Variants in PCDHB13 observed in about 807,000 individuals in gnomAD.
The protein encoded by PCDHB13 is protocadherin beta 13.
For synonymous variants in PCDHB13, 515 were observed against 450.7 expected (o/e 1.14, Z -1.81); for missense variants, 1,065 against 1,016.7 (o/e 1.05, Z -0.65).
In PCDHB13 at chr5:141,216,629, A is replaced by G. The variant is rs1336156686; in HGVS notation, c.*109A>G. On this transcript the variant is annotated 3_prime_UTR_variant, in exon 1 of 1. Coordinates refer to ENST00000341948, the MANE Select transcript of PCDHB13 (RefSeq NM_018933.4). ...GTAATATTGTACGGATTTACTCTTG[A>G]TTTTTCTCATGTTCTTTCTCCCTTT... 8.2e-6 allele frequency: 8 copies of G among 979,506 alleles called. No individual in the cohort carries two copies. Among genetic ancestry groups the G allele is most frequent in the Middle Eastern group, 2.1e-4 (1 of 4,856 alleles). The allele number at this position is 979,506 out of a possible 1,614,324, so 60.7% of individuals were successfully genotyped here.
chr5:141,214,279 C>G lies in PCDHB13; in HGVS notation c.156C>G (p.Asp52Glu), dbSNP rs1754521772. Residue 52 changes from aspartate to glutamate, a missense_variant, in exon 1 of 1, where the codon GAC (aspartate) becomes GAG (glutamate). By Grantham distance (45) the Asp-to-Glu change is conservative. Transcript: ENST00000341948. The part of the protein sequence containing the change: ...GSSFVTNLAK[D>E]LGLEQREFSR... ...CCTTTGTCACCAATTTAGCAAAGGA[C>G]CTGGGTCTGGAGCAGAGGGAATTCT... 6.5e-7 allele frequency: 1 copy of G among 1,547,888 alleles called. No individual in the cohort carries two copies. Among genetic ancestry groups the G allele is most frequent in the African/African-American group, 1.4e-5 (1 of 71,724 alleles).
At position 141,216,417 on chromosome 5, in the gene PCDHB13, A is replaced by T; in HGVS notation, c.2294A>T (p.Lys765Met). The change falls in exon 1 of 1, where the codon AAG becomes ATG. Residue 765 changes from lysine to methionine, a missense_variant. Lys to Met is a moderately conservative substitution (Grantham distance 95). Transcript: ENST00000341948. ...GGAGGCTCAGGGACCAATGAGTTCAAGTTCCTGAAGCCGATTATCCCCAAC... is the reference window on the plus strand; with the variant it reads ...GGAGGCTCAGGGACCAATGAGTTCATGTTCCTGAAGCCGATTATCCCCAAC... The part of the protein sequence containing the change: ...LAGGSGTNEF[K>M]FLKPIIPNFP... The T allele has an allele frequency of 1.9e-6, 3 of 1,614,160 alleles. No homozygotes were observed. The highest frequency in any genetic ancestry group is 2.5e-6 in the Non-Finnish European group (3 of 1,180,028).
Position 141,215,150 on chromosome 5 carries a change from G to A in PCDHB13, c.1027G>A (p.Asp343Asn). 1 of 1,614,134 alleles carries A rather than the reference G, an allele frequency of 6.2e-7. No individual in the cohort carries two copies. Among genetic ancestry groups the A allele is most frequent in the Non-Finnish European group, 8.5e-7 (1 of 1,180,040 alleles). ...TCTGATTCAAGTGATAGATGTGAAC[G>A]ACCATGCCCCAGAAGTTACCATGTC... Reference protein sequence around the residue: ...TVLIQVIDVNDHAPEVTMSAF... With the variant: ...TVLIQVIDVNNHAPEVTMSAF... The change falls in exon 1 of 1, where the codon GAC becomes AAC. Residue 343 changes from aspartate (D) to asparagine (N), a missense_variant. By Grantham distance (23) the Asp-to-Asn change is conservative. Coordinates refer to ENST00000341948, the MANE Select transcript of PCDHB13 (RefSeq NM_018933.4).
At position 141,215,514 on chromosome 5, in the gene PCDHB13, A is replaced by ACAGC. The variant is rs782041383; in HGVS notation, c.1393_1396dup (p.Pro466GlnfsTer251). On this transcript the variant is annotated frameshift_variant, in exon 1 of 1. Transcript: ENST00000341948. LOFTEE classifies it low-confidence loss of function (END_TRUNC). ...TACACCCTGTTCGTCCGCGAGAACA[A>ACAGC]CAGCCCCGCCCTGCACATCCGCAGC... 6.2e-7 allele frequency: 1 copy of ACAGC among 1,614,038 alleles called. No homozygotes were observed. Among genetic ancestry groups the ACAGC allele is most frequent in the South Asian group, 1.1e-5 (1 of 91,078 alleles).
Position 141,215,542 on chromosome 5 carries a change from C to T in PCDHB13, c.1419C>T (p.Val473=), listed in dbSNP as rs375613795. The T allele has an allele frequency of 4.5e-5, 72 of 1,613,692 alleles. 1 individual carries two copies. Among genetic ancestry groups the T allele is most frequent in the Non-Finnish European group, 5.7e-5 (67 of 1,179,950 alleles). The stretch of plus-strand genomic sequence containing the variant: ...GCCCCGCCCTGCACATCCGCAGCGT[C>T]AGCGCTACAGACAGAGACTCAGGCA... ...NNSPALHIRS[V]SATDRDSGTN... Residue 473 remains valine, a synonymous_variant, in exon 1 of 1, where the codon GTC becomes GTT. Transcript: ENST00000341948.
At position 141,216,001 on chromosome 5, in the gene PCDHB13, C is replaced by A; in HGVS notation, c.1878C>A (p.Thr626=). 1.2e-6 allele frequency: 2 copies of A among 1,606,956 alleles called. No individual in the cohort carries two copies. Among genetic ancestry groups the A allele is most frequent in the Non-Finnish European group, 1.7e-6 (2 of 1,179,558 alleles). Residue 626 remains threonine, a synonymous_variant, in exon 1 of 1, where the codon ACC becomes ACA. Transcript: ENST00000341948. ...GVWAHNGEVR[T]ARLLSERDAA... is the part of the protein sequence containing the mutation. ...GGGCGCACAATGGCGAGGTGCGCAC[C>A]GCCAGGCTGCTGAGCGAGCGCGACG... is the stretch of plus-strand genomic sequence containing the variant.
chr5:141,214,944 T>G lies in PCDHB13; in HGVS notation c.821T>G (p.Val274Gly), dbSNP rs1754551194. ...KVSATDVDTG[V>G]NGEISYSLFQ... ...TCTGCCACGGATGTAGACACAGGAG[T>G]CAACGGAGAGATTTCCTATTCACTT... The change falls in exon 1 of 1, where the codon GTC becomes GGC. Residue 274 changes from valine (V) to glycine (G), a missense_variant. By Grantham distance (109) the Val-to-Gly change is moderately radical. Transcript: ENST00000341948. 1.9e-6 allele frequency: 3 copies of G among 1,613,946 alleles called. No homozygotes were observed. The East Asian group carries it at 6.7e-5, about 36-fold the overall frequency.
At position 141,215,452 on chromosome 5, in the gene PCDHB13, T is replaced by C. The variant is rs782315640; in HGVS notation, c.1329T>C (p.Asp443=). The part of the protein sequence containing the change: ...TQLNMTVLIA[D]VNDNAPAFTQ... ...TCAATATGACCGTGCTGATCGCCGA[T>C]GTCAATGACAACGCTCCCGCCTTCA... The change falls in exon 1 of 1, where the codon GAT becomes GAC. Residue 443 remains aspartate, a synonymous_variant. Transcript: ENST00000341948. 4.3e-6 allele frequency: 7 copies of C among 1,614,036 alleles called. No individual in the cohort carries two copies. In the South Asian group the frequency reaches 5.5e-5, roughly 13 times the overall value.
rs781919526 is a variant in PCDHB13 at position 141,216,404 on chromosome 5, A to G, written c.2281A>G (p.Thr761Ala). The change falls in exon 1 of 1, where the codon ACC becomes GCC. Residue 761 changes from threonine to alanine, a missense_variant. Transcript: ENST00000341948. ...GGTGTGTCTGGCAGGAGGCTCAGGG[A>G]CCAATGAGTTCAAGTTCCTGAAGCC... Reference protein sequence around the residue: ...YEVCLAGGSGTNEFKFLKPII... With the variant: ...YEVCLAGGSGANEFKFLKPII... The G allele has an allele frequency of 2.5e-6, 4 of 1,613,930 alleles. No homozygotes were observed. The highest frequency in any genetic ancestry group is 3.4e-6 in the Non-Finnish European group (4 of 1,179,978).
At position 141,214,889 on chromosome 5, in the gene PCDHB13, A is replaced by G; in HGVS notation, c.766A>G (p.Ser256Gly). Residue 256 changes from serine to glycine, a missense_variant, in exon 1 of 1, where the codon AGT becomes GGT. Coordinates refer to ENST00000341948, the MANE Select transcript of PCDHB13 (RefSeq NM_018933.4). ...CTATAGAGTGCAGATCTCTGAGGAC[A>G]GTCCGGTAGGCTTCCTGGTTGTGAA... ...PFYRVQISED[S>G]PVGFLVVKVS... 5 of 1,614,026 alleles carry G rather than the reference A, an allele frequency of 3.1e-6. No homozygotes were observed. The highest frequency in any genetic ancestry group is 4.2e-6 in the Non-Finnish European group (5 of 1,179,972).
Position 141,215,412 on chromosome 5 carries a change from T to C in PCDHB13, c.1289T>C (p.Met430Thr), listed in dbSNP as rs1754570555. 4 of 1,614,064 alleles carry C rather than the reference T, an allele frequency of 2.5e-6. No individual in the cohort carries two copies. The highest frequency in any genetic ancestry group is 1.3e-5 in the African/African-American group (1 of 74,914). ...ACTGTCACTGACTTGGGGACCCCTA[T>C]GCTGATAACACAGCTCAATATGACC... is the stretch of plus-strand genomic sequence containing the variant. ...TITVTDLGTPMLITQLNMTVL... is the reference protein window; with the variant it reads ...TITVTDLGTPTLITQLNMTVL... Residue 430 changes from methionine to threonine, a missense_variant, in exon 1 of 1, where the codon ATG becomes ACG. Coordinates refer to ENST00000341948, the MANE Select transcript of PCDHB13 (RefSeq NM_018933.4).
chr5:141,217,839 G>A lies in PCDHB13; in HGVS notation c.*1319G>A, dbSNP rs188508748. The A allele has an allele frequency of 0.013, 2,219 of 167,158 alleles. 32 individuals are homozygous for A. Among genetic ancestry groups the A allele is most frequent in the Non-Finnish European group, 0.025 (1,730 of 68,128 alleles). 10.4% of individuals were successfully genotyped at this position (167,158 alleles called of 1,614,324 possible). A position where few individuals can be genotyped will look rare whatever the true frequency, so the allele number is the denominator to read the frequency against. ...AAAAGTATAGAGGCAAAACAAGCATGTGTATGAGAGAGAGAGAGAAAGCAT... is the reference window on the plus strand; with the variant it reads ...AAAAGTATAGAGGCAAAACAAGCATATGTATGAGAGAGAGAGAGAAAGCAT... On this transcript the variant is annotated 3_prime_UTR_variant, in exon 1 of 1. Transcript: ENST00000341948.
Position 141,215,246 on chromosome 5 carries a change from G to C in PCDHB13, c.1123G>C (p.Asp375His), listed in dbSNP as rs781994778. The change falls in exon 1 of 1, where the codon GAT becomes CAT. Residue 375 changes from aspartate (D) to histidine (H), a missense_variant. By Grantham distance (81) the Asp-to-His change is moderately conservative. Coordinates refer to ENST00000341948, the MANE Select transcript of PCDHB13 (RefSeq NM_018933.4). Reference protein sequence around the residue: ...VVALFSVSDLDSGENGKISCS... With the variant: ...VVALFSVSDLHSGENGKISCS... The stretch of plus-strand genomic sequence containing the variant: ...TGCACTTTTCAGTGTTTCAGATCTT[G>C]ATTCAGGAGAAAATGGGAAAATTAG... The C allele has an allele frequency of 6.2e-7, 1 of 1,614,122 alleles. No homozygotes were observed. The highest frequency in any genetic ancestry group is 2.2e-5 in the East Asian group (1 of 44,874).
In PCDHB13 at chr5:141,214,970, T is replaced by C. The variant is rs573666372; in HGVS notation, c.847T>C (p.Phe283Leu). ...GVNGEISYSL[F>L]QASEEIGKTF... Reference sequence around the variant, plus strand: ...CAACGGAGAGATTTCCTATTCACTTTTCCAAGCTTCAGAAGAGATTGGCAA... The same window carrying C: ...CAACGGAGAGATTTCCTATTCACTTCTCCAAGCTTCAGAAGAGATTGGCAA... Residue 283 changes from phenylalanine to leucine, a missense_variant, in exon 1 of 1, where the codon TTC becomes CTC. By Grantham distance (22) the Phe-to-Leu change is conservative (BLOSUM62 0). Transcript: ENST00000341948. 3 of 1,614,194 alleles carry C rather than the reference T, an allele frequency of 1.9e-6. No homozygotes were observed. Among genetic ancestry groups the C allele is most frequent in the East Asian group, 2.2e-5 (1 of 44,872 alleles).
rs202050299 is a variant in PCDHB13, at chr5:141,215,429, A to G, written c.1306A>G (p.Asn436Asp). ...LGTPMLITQL[N>D]MTVLIADVND... ...GACCCCTATGCTGATAACACAGCTCAATATGACCGTGCTGATCGCCGATGT... is the reference window on the plus strand; with the variant it reads ...GACCCCTATGCTGATAACACAGCTCGATATGACCGTGCTGATCGCCGATGT... The change falls in exon 1 of 1, where the codon AAT becomes GAT. Residue 436 changes from asparagine to aspartate, a missense_variant. Asn to Asp is a conservative substitution (Grantham distance 23). Coordinates refer to ENST00000341948, the MANE Select transcript of PCDHB13 (RefSeq NM_018933.4). The G allele has an allele frequency of 2.6e-5, 42 of 1,614,190 alleles. No homozygotes were observed. In the East Asian group the frequency reaches 4.9e-4, roughly 19 times the overall value.
In PCDHB13 at chr5:141,216,906, A is replaced by G. The variant is rs1754630022; in HGVS notation, c.*386A>G. ...TTGATTCTCTTTTTTTAGTCTTAAA[A>G]TAATGACTCCTATTCAGACATATCA... On this transcript the variant is annotated 3_prime_UTR_variant, in exon 1 of 1. Transcript: ENST00000341948. The G allele has an allele frequency of 3.1e-6, 1 of 321,990 alleles. No homozygotes were observed. The highest frequency in any genetic ancestry group is 2.9e-5 in the South Asian group (1 of 34,514). 19.9% of individuals were successfully genotyped at this position (321,990 alleles called of 1,614,324 possible). A position where few individuals can be genotyped will look rare whatever the true frequency, so the allele number is the denominator to read the frequency against.
Position 141,215,206 on chromosome 5 carries a change from G to A in PCDHB13, c.1083G>A (p.Ala361=), listed in dbSNP as rs1554287820. The change falls in exon 1 of 1, where the codon GCG becomes GCA. Residue 361 remains alanine (A), a synonymous_variant. Transcript: ENST00000341948. ...SAFTSPIPEN[A]PETVVALFSV... The stretch of plus-strand genomic sequence containing the variant: ...TTACCAGCCCAATACCTGAGAACGC[G>A]CCTGAAACTGTGGTTGCACTTTTCA... 1.9e-6 allele frequency: 3 copies of A among 1,614,080 alleles called. No individual in the cohort carries two copies. Among genetic ancestry groups the A allele is most frequent in the Non-Finnish European group, 2.5e-6 (3 of 1,180,024 alleles).
At position 141,215,299 on chromosome 5, in the gene PCDHB13, C is replaced by T. The variant is rs1554287858; in HGVS notation, c.1176C>T (p.Phe392=). 3 of 1,614,150 alleles carry T rather than the reference C, an allele frequency of 1.9e-6. No individual in the cohort carries two copies. Among genetic ancestry groups the T allele is most frequent in the Non-Finnish European group, 2.5e-6 (3 of 1,180,026 alleles). Residue 392 remains phenylalanine (F), a synonymous_variant, in exon 1 of 1, where the codon TTC becomes TTT. Coordinates refer to ENST00000341948, the MANE Select transcript of PCDHB13 (RefSeq NM_018933.4). The part of the protein sequence containing the change: ...ISCSIQEDLP[F]LLKSAENFYT... ...GCTCCATTCAGGAGGATCTACCCTT[C>T]CTCCTGAAATCCGCGGAAAACTTTT...
rs782778861 is a variant in PCDHB13 at position 141,215,647 on chromosome 5, G to T, written c.1524G>T (p.Ala508=). 1.2e-6 allele frequency: 2 copies of T among 1,613,414 alleles called. No homozygotes were observed. The highest frequency in any genetic ancestry group is 2.2e-5 in the South Asian group (2 of 91,026). Residue 508 remains alanine (A), a synonymous_variant, in exon 1 of 1, where the codon GCG becomes GCT. Transcript: ENST00000341948. ...LPLTSLVSIN[A]DNGHLFALRS... is the part of the protein sequence containing the mutation. ...TCACATCCCTGGTCTCCATCAACGCGGACAACGGCCACCTGTTCGCCCTCA... is the reference window on the plus strand; with the variant it reads ...TCACATCCCTGGTCTCCATCAACGCTGACAACGGCCACCTGTTCGCCCTCA...
Sources: gnomAD v4.1 joint callset for allele counts on GRCh38, gnomAD v4.1.1 for gene constraint, MANE v1.5 for transcripts, NCBI Gene and HGNC (gene_info 2026-07-23, HGNC 2026-07-21) for gene names.